The following RBFOX1 variants were observed in gnomAD, a reference collection of about 807,000 sequenced individuals.
RBFOX1 encodes RNA binding fox-1 homolog 1, also known as RNA binding protein fox-1 homolog 1.
RBFOX1 carries 8 observed loss-of-function variants against 57.7 expected under a neutral mutation model. The ratio of observed to expected loss-of-function variants is 0.14; its 90% CI spans 0.08 to 0.25. The LOEUF (loss-of-function observed/expected upper bound fraction) is 0.25, where lower values mean the gene tolerates loss of function less well. RBFOX1 is among the 10% of genes least tolerant of loss of function. The pLI, the probability that RBFOX1 is intolerant of heterozygous loss-of-function variation, is 1.00. For synonymous variants in RBFOX1, 326 were observed against 222.4 expected (o/e 1.47, Z -4.15); for missense variants, 611 against 548.5 (o/e 1.11, Z -1.14).
At chr16:7,178,724 C>A (rs73536636) in intron 4 of RBFOX1, among the ~76,000 whole-genome samples, 162 of 152,284 alleles carry the variant, frequency 1.1e-3, no homozygotes, top group African/African-American at 3.4e-3. Flanking sequence ...TAATCACATG[C>A]CGGACCTCAG....
intron 4 of RBFOX1, among the ~76,000 whole-genome samples, chr16:7,182,159 T>A (rs1487202892): frequency 6.6e-6 from 1 of 152,216 alleles, no homozygotes; most frequent in Non-Finnish European, 1.5e-5. Context: ...TAGGTATCTT[T>A]GACCTAGTTA....
intron 4 of RBFOX1, among the ~76,000 whole-genome samples, chr16:7,285,837 C>G (rs1167092922): frequency 2.0e-5 from 3 of 152,164 alleles, no homozygotes; most frequent in East Asian, 3.8e-4. Flanking sequence ...AAAACTGTTA[C>G]AAATCTTCAA....
intron 3 of RBFOX1, among the ~76,000 whole-genome samples, chr16:7,038,650 C>T (rs956127701): frequency 1.3e-5 from 2 of 152,094 alleles, no homozygotes; most frequent in African/African-American, 4.8e-5. Context: ...CAGCATCAAG[C>T]CTGAAGTGAA....
chr16:5,249,749 A>C (rs1005941069), intron 1 of RBFOX1, among the ~76,000 whole-genome samples: 1 of 152,278 alleles, frequency 6.6e-6, no homozygotes, highest in Non-Finnish European at 1.5e-5. Flanking sequence ...TGGGCGGGCC[A>C]GGAATTCGAG....
At chr16:5,901,971 C>G (rs1418941582) in intron 4 of RBFOX1, among the ~76,000 whole-genome samples, 4 of 152,124 alleles carry the variant, frequency 2.6e-5, no homozygotes, top group African/African-American at 7.2e-5. Flanking sequence ...CTCTCATAGC[C>G]CCTAGTCCTC....
At chr16:5,432,945 C>G (rs2067798833) in intron 1 of RBFOX1, among the ~76,000 whole-genome samples, 1 of 152,174 alleles carries the variant, frequency 6.6e-6, no homozygotes, top group Non-Finnish European at 1.5e-5. Flanking sequence ...ACCACCACTC[C>G]TGGCTGATTT....
intron 4 of RBFOX1, among the ~76,000 whole-genome samples, chr16:5,944,398 G>A (rs1364056936): frequency 6.6e-6 from 1 of 152,166 alleles, no homozygotes; most frequent in Non-Finnish European, 1.5e-5. Context: ...GTTACATGAA[G>A]ACGTGAGACT....
At chr16:6,049,002 ATG>A (rs2152431558) in intron 1 of RBFOX1, among the ~76,000 whole-genome samples, 1 of 140,394 alleles carries the variant, frequency 7.1e-6, no homozygotes, top group South Asian at 2.5e-4. Flanking sequence ...CATCATTTTG[ATG>A]ATCATCCTTG....
intron 3 of RBFOX1, among the ~76,000 whole-genome samples, chr16:5,782,965 G>A (rs1349755386): frequency 3.3e-5 from 5 of 152,128 alleles, no homozygotes; most frequent in African/African-American, 4.8e-5. Context: ...TCACCCACAC[G>A]GGTGAGGGTC....
intron 3 of RBFOX1, among the ~76,000 whole-genome samples, chr16:5,620,139 G>C (rs373647097): frequency 6.6e-6 from 1 of 152,106 alleles, no homozygotes; most frequent in Non-Finnish European, 1.5e-5. Flanking sequence ...CAATGTTTCT[G>C]AGTAGGCTGC....
intron 4 of RBFOX1, among the ~76,000 whole-genome samples, chr16:7,368,182 G>A (rs537372363): frequency 6.6e-5 from 10 of 150,914 alleles, no homozygotes; most frequent in East Asian, 2.0e-4. Context: ...CAGGAGGATC[G>A]CTTGAACCCG....
chr16:6,958,330 C>T (rs528939035), intron 3 of RBFOX1, among the ~76,000 whole-genome samples: 1 of 152,160 alleles, frequency 6.6e-6, no homozygotes, highest in Admixed American at 6.5e-5. Flanking sequence ...TAGAACTTAA[C>T]CTTCTGAATC....
chr16:6,067,013 G>A (rs73523820), intron 1 of RBFOX1, among the ~76,000 whole-genome samples: 2,302 of 152,182 alleles, frequency 0.015, 65 homozygotes, highest in African/African-American at 0.053. Flanking sequence ...CTATCAACAC[G>A]GCACAGTTTA....
At chr16:7,369,015 G>T (rs919970999) in intron 4 of RBFOX1, among the ~76,000 whole-genome samples, 4 of 151,974 alleles carry the variant, frequency 2.6e-5, no homozygotes, top group African/African-American at 4.8e-5. Flanking sequence ...GATCCTCCTG[G>T]CTCGAACAGG....
chr16:6,812,296 C>T (rs899844566), intron 3 of RBFOX1, among the ~76,000 whole-genome samples: 16 of 152,124 alleles, frequency 1.1e-4, no homozygotes, highest in African/African-American at 3.6e-4. Flanking sequence ...CAAGCTAGGA[C>T]GGTCTACTAA....
intron 4 of RBFOX1, among the ~76,000 whole-genome samples, chr16:7,176,997 C>G (rs967322578): frequency 1.3e-5 from 2 of 152,204 alleles, no homozygotes; most frequent in East Asian, 3.9e-4. Context: ...AAAATAAAAA[C>G]TCACTACCCC....
intron 3 of RBFOX1, among the ~76,000 whole-genome samples, chr16:6,913,727 T>C (rs1401609684): frequency 6.6e-6 from 1 of 152,056 alleles, no homozygotes; most frequent in Non-Finnish European, 1.5e-5. Flanking sequence ...CTGCGTACCC[T>C]CCTAGCCAAG....
chr16:6,723,599 G>C (rs2066483245), intron 3 of RBFOX1, among the ~76,000 whole-genome samples: 1 of 152,162 alleles, frequency 6.6e-6, no homozygotes, highest in African/African-American at 2.4e-5. Flanking sequence ...GGGATATCTT[G>C]AGTGAGCCCT....
chr16:5,434,564 C>A (rs9938825), intron 1 of RBFOX1, among the ~76,000 whole-genome samples: 2,312 of 151,998 alleles, frequency 0.015, 66 homozygotes, highest in African/African-American at 0.053. Context: ...GTGATCTGCC[C>A]GACACAGCCT....
Sources: allele counts gnomAD v4.1 joint callset (sites outside exome capture counted in the v4.1 genomes callset), GRCh38; gene constraint gnomAD v4.1.1; transcripts MANE v1.5; gene names NCBI Gene and HGNC (gene_info 2026-07-23, HGNC 2026-07-21).